The following SBF2 variants were observed in gnomAD, a reference collection of about 807,000 sequenced individuals.
SBF2 encodes SET binding factor 2.
Under a neutral mutation model 225.2 loss-of-function variants are expected in SBF2, and 112 were observed. That is an observed-to-expected ratio of 0.50 (90% CI 0.43 to 0.58). The LOEUF is 0.58. Among genes scored for constraint, SBF2 ranks in the 20% least tolerant of loss-of-function variants. The pLI is 0.00. For synonymous variants in SBF2, 763 were observed against 773.3 expected, an observed-to-expected ratio of 0.99 and a Z score of 0.22; for missense variants, 1,996 against 2,206.2, an observed-to-expected ratio of 0.90 and a Z score of 1.91.
At position 9,816,966 on chromosome 11, in the gene SBF2, A is replaced by C; in HGVS notation, c.3852T>G (p.Ile1284Met). The C allele has an allele frequency of 6.2e-7, 1 of 1,614,182 alleles. No homozygotes were observed. The highest frequency in any genetic ancestry group is 8.5e-7 in the Non-Finnish European group (1 of 1,180,012). ...TGCCTGCCAGCCGGGCGCCAACATC[A>C]ATGAAGGATGTTGGAGAGCTGATCA... Reference protein sequence around the residue: ...TRLISSPTSFIDVGARLAGKD... With the variant: ...TRLISSPTSFMDVGARLAGKD... The change falls in exon 29 of 40, where the codon ATT (isoleucine) becomes ATG (methionine). Residue 1284 changes from isoleucine to methionine, a missense_variant. Transcript: ENST00000256190.
chr11:10,063,653 G>A (rs1950526013), intron 2 of SBF2, among the ~76,000 whole-genome samples: 1 of 151,356 alleles, frequency 6.6e-6, no homozygotes, highest in African/African-American at 2.4e-5. Flanking sequence ...CACCGCGCCT[G>A]GCCAAAAATT....
At chr11:10,004,165 C>T (rs1004610936) in intron 6 of SBF2, among the ~76,000 whole-genome samples, 3 of 152,052 alleles carry the variant, frequency 2.0e-5, no homozygotes, top group African/African-American at 4.8e-5. Flanking sequence ...CAAATCTACC[C>T]TCCAGATAGT....
chr11:9,992,731 T>C (rs1174337276), intron 11 of SBF2, among the ~76,000 whole-genome samples, 188 bp from the exon 12 acceptor site: 2 of 152,172 alleles, frequency 1.3e-5, no homozygotes, highest in Non-Finnish European at 2.9e-5. Flanking sequence ...AGAATAAAAA[T>C]GAATCTGTCT....
At chr11:10,194,323 G>A (rs1403947866) in intron 1 of SBF2, among the ~76,000 whole-genome samples, 2 of 152,008 alleles carry the variant, frequency 1.3e-5, no homozygotes, top group Non-Finnish European at 2.9e-5. Context: ...CATTGTATTA[G>A]GTATTATAAG....
At chr11:10,185,688 T>C (rs887381481) in intron 2 of SBF2, among the ~76,000 whole-genome samples, 2 of 151,888 alleles carry the variant, frequency 1.3e-5, no homozygotes, top group Admixed American at 6.6e-5. Flanking sequence ...TTAATATGCA[T>C]TTCCTTAATA....
intron 16 of SBF2, among the ~76,000 whole-genome samples, chr11:9,906,801 T>C (rs1862155878): frequency 6.6e-6 from 1 of 152,200 alleles, no homozygotes; most frequent in South Asian, 2.1e-4. Context: ...TGAATACTGA[T>C]ACATGTTTTA....
chr11:10,096,319 TTTGA>T (rs1358900784), intron 2 of SBF2, among the ~76,000 whole-genome samples: 3 of 151,924 alleles, frequency 2.0e-5, no homozygotes, highest in Non-Finnish European at 4.4e-5. Context: ...AAGATTTTGC[TTTGA>T]TTGATATATA....
chr11:10,187,042 T>C (rs1956954685), intron 2 of SBF2, among the ~76,000 whole-genome samples: 1 of 152,194 alleles, frequency 6.6e-6, no homozygotes, highest in African/African-American at 2.4e-5. Flanking sequence ...CATCTAGGGT[T>C]TATTTACCAA....
At chr11:10,125,278 G>A (rs946997648) in intron 2 of SBF2, among the ~76,000 whole-genome samples, 6 of 151,722 alleles carry the variant, frequency 4.0e-5, no homozygotes, top group South Asian at 2.1e-4. Context: ...AACAGACTAC[G>A]AGATTCGATT....
At chr11:10,140,879 C>T (rs1351990888) in intron 2 of SBF2, among the ~76,000 whole-genome samples, 1 of 152,186 alleles carries the variant, frequency 6.6e-6, no homozygotes, top group Non-Finnish European at 1.5e-5. Flanking sequence ...AAAATTCCCA[C>T]ACATCTGTTT....
chr11:10,150,760 T>C (rs568848758), intron 2 of SBF2, among the ~76,000 whole-genome samples: 114 of 152,224 alleles, frequency 7.5e-4, no homozygotes, highest in South Asian at 1.7e-3. Flanking sequence ...ACTTAAACAC[T>C]TCAAAGGAAA....
chr11:9,957,477 T>A (rs1286655523), intron 16 of SBF2: 1 of 152,160 alleles, frequency 6.6e-6, no homozygotes, highest in Non-Finnish European at 1.5e-5. Context: ...TTTTTTTTTT[T>A]GAGACAGATT....
chr11:10,060,845 G>A (rs1309581916), intron 2 of SBF2, among the ~76,000 whole-genome samples: 1 of 152,018 alleles, frequency 6.6e-6, no homozygotes, highest in Non-Finnish European at 1.5e-5. Flanking sequence ...TGGCTAACAC[G>A]GTTAAACCCT....
intron 1 of SBF2, among the ~76,000 whole-genome samples, chr11:10,215,502 ATCC>A (rs1958095461): frequency 6.6e-6 from 1 of 152,132 alleles, no homozygotes; most frequent in Non-Finnish European, 1.5e-5. Context: ...ATAAAGGAAA[ATCC>A]TCTGCATCAA....
At chr11:9,817,110 C>T in intron 28 of SBF2, 86 bp from the exon 29 acceptor site, 1 of 1,442,452 alleles carries the variant, frequency 6.9e-7, no homozygotes, top group East Asian at 2.3e-5. Context: ...TCTGGAGCTA[C>T]AGTTTTAGAG....
At chr11:9,827,134 G>T (rs999410221) in intron 28 of SBF2, among the ~76,000 whole-genome samples, 1 of 152,070 alleles carries the variant, frequency 6.6e-6, no homozygotes, top group Non-Finnish European at 1.5e-5. Context: ...CACCGTGCCC[G>T]GCCTACTTAG....
chr11:10,056,448 A>C (rs1209740196), intron 2 of SBF2, among the ~76,000 whole-genome samples: 1 of 151,960 alleles, frequency 6.6e-6, no homozygotes, highest in Non-Finnish European at 1.5e-5. Flanking sequence ...CATTGTAGAG[A>C]TCTTTCACCT....
intron 1 of SBF2, among the ~76,000 whole-genome samples, chr11:10,219,428 C>T (rs1958258696): frequency 6.6e-6 from 1 of 152,164 alleles, no homozygotes; most frequent in Non-Finnish European, 1.5e-5. Flanking sequence ...TTTTTCTTCT[C>T]CTAGGCCTCT....
At chr11:9,921,254 G>C (rs143598394) in intron 16 of SBF2, among the ~76,000 whole-genome samples, 1 of 151,938 alleles carries the variant, frequency 6.6e-6, no homozygotes, top group Admixed American at 6.6e-5. Context: ...ATTTTCAGTA[G>C]AGATGGGGTT....
Sources: allele counts gnomAD v4.1 joint callset (sites outside exome capture counted in the v4.1 genomes callset), GRCh38; gene constraint gnomAD v4.1.1; transcripts MANE v1.5; gene names NCBI Gene and HGNC (gene_info 2026-07-23, HGNC 2026-07-21).